The following CLSTN2 variants were observed in gnomAD, a reference collection of about 807,000 sequenced individuals.
CLSTN2 encodes the protein calsyntenin 2.
Under a neutral mutation model 101.2 loss-of-function variants are expected in CLSTN2, and 48 were observed. The ratio of observed to expected loss-of-function variants is 0.47; its 90% CI spans 0.38 to 0.60. The LOEUF is 0.60. Among genes scored for constraint, CLSTN2 ranks in the 20% least tolerant of loss-of-function variants. The pLI is 0.00. For missense variants in CLSTN2, 1,160 were observed against 1,238.2 expected (o/e 0.94, Z 0.95); for synonymous variants, 481 against 463.6 (o/e 1.04, Z -0.48).
At chr3:140,021,042 GA>G (rs1438223165) in intron 1 of CLSTN2, among the ~76,000 whole-genome samples, 2 of 151,796 alleles carry the variant, frequency 1.3e-5, no homozygotes, top group Admixed American at 6.6e-5. Context: ...ACAAAACAAA[GA>G]AAAAAACTAC....
rs146528464 is a variant in CLSTN2 at position 140,240,123 on chromosome 3, T to C, written c.232+64050T>C. ...CTCTGGCCATAAAGCTATACCTTAA[T>C]TGCACCTGGTTTCTCTCTCTCTCTC... On this transcript the variant is annotated intron_variant, in intron 2 of 16. Coordinates refer to ENST00000458420, the MANE Select transcript of CLSTN2 (RefSeq NM_022131.3). 2.2e-3 allele frequency among the ~76,000 whole-genome samples: 290 copies of C among 130,230 alleles called. 1 individual carries two copies. Among genetic ancestry groups the C allele is most frequent in the African/African-American group, 7.3e-3 (268 of 36,906 alleles). The allele number at this position is 130,230 out of a possible 152,430, so 85.4% of individuals were successfully genotyped here. A position where few individuals can be genotyped will look rare whatever the true frequency, so the allele number is the denominator to read the frequency against.
intron 1 of CLSTN2, among the ~76,000 whole-genome samples, chr3:139,959,890 G>A (rs920105920): frequency 6.6e-6 from 1 of 152,062 alleles, no homozygotes; most frequent in African/African-American, 2.4e-5. Flanking sequence ...AAACCAAAAT[G>A]TCTTTGACTG....
intron 1 of CLSTN2, among the ~76,000 whole-genome samples, chr3:140,161,645 G>C (rs2010048776): frequency 6.6e-6 from 1 of 152,148 alleles, no homozygotes. Context: ...AATTATGTAA[G>C]TCTTGCCTGG....
At chr3:140,341,366 A>T (rs1415371772) in intron 2 of CLSTN2, among the ~76,000 whole-genome samples, 1 of 151,968 alleles carries the variant, frequency 6.6e-6, no homozygotes, top group East Asian at 1.9e-4. Context: ...TGTGCCTCTG[A>T]CCTCGTCCCC....
rs1338291939 is a variant in CLSTN2 at position 140,459,608 on chromosome 3, T to A, written c.1061T>A (p.Met354Lys). 2 of 1,614,154 alleles carry A rather than the reference T, an allele frequency of 1.2e-6. No homozygotes were observed. The highest frequency in any genetic ancestry group is 4.5e-5 in the East Asian group (2 of 44,862). The change falls in exon 7 of 17, where the codon ATG becomes AAG. Residue 354 changes from methionine (M) to lysine (K), a missense_variant. Met to Lys is a moderately conservative substitution (Grantham distance 95, BLOSUM62 -1). Transcript: ENST00000458420. ...GGACTGCTGGTGGACAGCAGTGAGA[T>A]GATCTTCAAGTTTGACGGCAGGCAG... is the stretch of plus-strand genomic sequence containing the variant. ...TAGLLVDSSE[M>K]IFKFDGRQGA...
intron 1 of CLSTN2, among the ~76,000 whole-genome samples, chr3:139,972,342 T>C (rs1297698134): frequency 1.3e-5 from 2 of 152,184 alleles, no homozygotes; most frequent in Middle Eastern, 3.4e-3. Context: ...CTTTCAGGCA[T>C]CCTAAAAGTA....
chr3:140,395,389 G>A (rs777298514), intron 2 of CLSTN2, among the ~76,000 whole-genome samples: 47 of 152,022 alleles, frequency 3.1e-4, no homozygotes, highest in Admixed American at 2.6e-3. Context: ...TCTCTTCCAC[G>A]TTTAGTGTGT....
At chr3:140,285,336 T>C (rs1188109795) in intron 2 of CLSTN2, among the ~76,000 whole-genome samples, 2 of 151,600 alleles carry the variant, frequency 1.3e-5, no homozygotes, top group Non-Finnish European at 2.9e-5. Context: ...TATTGGGGAG[T>C]TGGAAGATGG....
At chr3:140,490,009 T>TATATATATATAC (rs1559884815) in intron 8 of CLSTN2, among the ~76,000 whole-genome samples, 5 of 290 alleles carry the variant, frequency 0.017, 2 homozygotes, top group Admixed American at 0.083. Context: ...AAAAAAGAAG[T>TATATATATATAC]ACATGTGTGT....
chr3:140,555,590 A>T (rs1935776026), intron 10 of CLSTN2, among the ~76,000 whole-genome samples: 1 of 152,170 alleles, frequency 6.6e-6, no homozygotes, highest in African/African-American at 2.4e-5. Flanking sequence ...GTAGCTACTT[A>T]AAAAAAATCT....
At chr3:140,197,785 G>C (rs1422147230) in intron 2 of CLSTN2, among the ~76,000 whole-genome samples, 2 of 152,202 alleles carry the variant, frequency 1.3e-5, no homozygotes, top group Non-Finnish European at 2.9e-5. Context: ...CAATAATGTT[G>C]AAGTTGAGAA....
intron 1 of CLSTN2, among the ~76,000 whole-genome samples, chr3:140,005,822 T>A (rs1394463721): frequency 1.3e-5 from 2 of 152,224 alleles, no homozygotes; most frequent in African/African-American, 4.8e-5. Flanking sequence ...CTTGGGCCAA[T>A]GCCATCATCA....
intron 1 of CLSTN2, among the ~76,000 whole-genome samples, chr3:140,167,830 C>G (rs940925972): frequency 1.3e-5 from 2 of 152,166 alleles, no homozygotes; most frequent in African/African-American, 4.8e-5. Context: ...ACTTATTTCA[C>G]TTCATTTCAC....
At position 140,563,982 on chromosome 3, in the gene CLSTN2, T is replaced by A; in HGVS notation, c.2504T>A (p.Val835Glu). 3 of 1,614,134 alleles carry A rather than the reference T, an allele frequency of 1.9e-6. No homozygotes were observed. Among genetic ancestry groups the A allele is most frequent in the Non-Finnish European group, 2.5e-6 (3 of 1,180,000 alleles). The change falls in exon 16 of 17, where the codon GTG becomes GAG. Residue 835 changes from valine (V) to glutamate (E), a missense_variant. Coordinates refer to ENST00000458420, the MANE Select transcript of CLSTN2 (RefSeq NM_022131.3). Reference protein sequence around the residue: ...HSSVVPSIATVVIIISVCMLV... With the variant: ...HSSVVPSIATEVIIISVCMLV... Reference sequence around the variant, plus strand: ...CCAGTGGTCCCAAGCATTGCCACAGTGGTCATCATCATCTCCGTGTGCATG... The same window carrying A: ...CCAGTGGTCCCAAGCATTGCCACAGAGGTCATCATCATCTCCGTGTGCATG...
chr3:140,086,116 C>T (rs1201356094), intron 1 of CLSTN2, among the ~76,000 whole-genome samples: 1 of 152,172 alleles, frequency 6.6e-6, no homozygotes, highest in East Asian at 1.9e-4. Flanking sequence ...ACATATTATG[C>T]CAATGACAGG....
chr3:140,225,209 A>G (rs1056239905), intron 2 of CLSTN2, among the ~76,000 whole-genome samples: 1 of 152,150 alleles, frequency 6.6e-6, no homozygotes, highest in Non-Finnish European at 1.5e-5. Flanking sequence ...GGGCCCTGCT[A>G]TCCCTGTAAA....
chr3:140,005,199 A>G (rs2006928802), intron 1 of CLSTN2, among the ~76,000 whole-genome samples: 1 of 152,212 alleles, frequency 6.6e-6, no homozygotes, highest in Non-Finnish European at 1.5e-5. Context: ...GACAGTGTCC[A>G]TGAACCCTTG....
At chr3:140,340,235 C>T (rs1032212636) in intron 2 of CLSTN2, among the ~76,000 whole-genome samples, 9 of 152,198 alleles carry the variant, frequency 5.9e-5, no homozygotes, top group African/African-American at 1.2e-4. Flanking sequence ...TTGTAAAGTA[C>T]GCCTAAGTTT....
chr3:140,090,421 G>A (rs1203478869), intron 1 of CLSTN2, among the ~76,000 whole-genome samples: 1 of 152,090 alleles, frequency 6.6e-6, no homozygotes, highest in African/African-American at 2.4e-5. Context: ...TTACAAGCAT[G>A]AGCCACCATG....
Sources: allele counts gnomAD v4.1 joint callset (sites outside exome capture counted in the v4.1 genomes callset), GRCh38; gene constraint gnomAD v4.1.1; transcripts MANE v1.5; gene names NCBI Gene and HGNC (gene_info 2026-07-23, HGNC 2026-07-21).